The following LRRC74A variants were observed in gnomAD, a reference collection of about 807,000 sequenced individuals.
LRRC74A encodes the protein leucine rich repeat containing 74A.
Under a neutral mutation model 57.9 loss-of-function variants are expected in LRRC74A, and 44 were observed. The ratio of observed to expected loss-of-function variants is 0.76; its 90% CI spans 0.60 to 0.98. The LOEUF (loss-of-function observed/expected upper bound fraction) is 0.98. Among genes scored for constraint, LRRC74A ranks in the 50% least tolerant of loss-of-function variants. The probability of loss-of-function intolerance (pLI) is 0.00; values close to 1 mark genes in which losing one functional copy is unlikely to be tolerated. For missense variants in LRRC74A, 572 were observed against 574.0 expected (o/e 1.00, Z 0.04); for synonymous variants, 211 against 219.4 (o/e 0.96, Z 0.34).
chr14:76,864,280 G>A (rs1311855352), intron 11 of LRRC74A, among the ~76,000 whole-genome samples: 2 of 151,926 alleles, frequency 1.3e-5, no homozygotes, highest in South Asian at 4.2e-4. Flanking sequence ...CTCCAGAAAG[G>A]GAAGTGTGGG....
At chr14:76,826,809 C>G in intron 1 of LRRC74A, 75 bp downstream of exon 1, 1 of 1,000,604 alleles carries the variant, frequency 1.0e-6, no homozygotes, top group South Asian at 1.4e-5. Flanking sequence ...GATCACAGGA[C>G]CCTGAAGCCC....
intron 11 of LRRC74A, among the ~76,000 whole-genome samples, chr14:76,862,258 C>T (rs146232377): frequency 1.2e-4 from 19 of 152,316 alleles, no homozygotes; most frequent in African/African-American, 4.1e-4. Context: ...TGGCCAGGCA[C>T]GGTGGCTATG....
intron 3 of LRRC74A, among the ~76,000 whole-genome samples, chr14:76,832,800 A>G (rs1896062374): frequency 6.8e-6 from 1 of 147,310 alleles, no homozygotes; most frequent in Non-Finnish European, 1.5e-5. Context: ...TGGAAAACTG[A>G]ACATTTCACA....
At chr14:76,835,461 T>G (rs1896258286) in intron 3 of LRRC74A, among the ~76,000 whole-genome samples, 1 of 144,762 alleles carries the variant, frequency 6.9e-6, no homozygotes, top group Admixed American at 7.1e-5. Context: ...CACTCCATCC[T>G]GGGCGACAGA....
chr14:76,828,076 G>A (rs1045711002), intron 1 of LRRC74A, among the ~76,000 whole-genome samples: 3 of 152,252 alleles, frequency 2.0e-5, no homozygotes, highest in African/African-American at 7.2e-5. Context: ...GCAGAAGGGA[G>A]TTGGTTTCAC....
At chr14:76,860,603 TG>T (rs1241513915) in intron 10 of LRRC74A, 89 bp from the exon 11 acceptor site, 1 of 1,286,574 alleles carries the variant, frequency 7.8e-7, no homozygotes, top group Admixed American at 2.7e-5. Context: ...TTCCTGACTT[TG>T]GCTTGGGTGG....
At chr14:76,867,527 T>TGAGGCTTACTTGAGTGTAC (rs1390630331) in intron 13 of LRRC74A, 89 bp downstream of exon 13, 64 of 703,650 alleles carry the variant, frequency 9.1e-5, no homozygotes, top group South Asian at 8.3e-4. Flanking sequence ...TGTCTACACT[T>TGAGGCTTACTTGAGTGTAC]TATTACTTGA....
At chr14:76,846,243 T>C (rs563487143) in intron 7 of LRRC74A, among the ~76,000 whole-genome samples, 20 of 152,228 alleles carry the variant, frequency 1.3e-4, no homozygotes, top group Non-Finnish European at 2.8e-4. Context: ...CCTTGTCATC[T>C]TTAAAGCTGT....
In LRRC74A at chr14:76,870,161, G is replaced by A. The variant is rs754333825; in HGVS notation, c.*12G>A. 2.5e-6 allele frequency: 4 copies of A among 1,610,360 alleles called. No homozygotes were observed. In the Admixed American group the frequency reaches 5.0e-5, roughly 20 times the overall value. On this transcript the variant is annotated 3_prime_UTR_variant, in exon 14 of 14. Coordinates refer to ENST00000689127, the MANE Select transcript of LRRC74A (RefSeq NM_001385106.1). ...CGATGAAGCCATAGCAACAAGTCTGGTCTAGAAAGAAGTCTCGGCGAGAGG... is the reference window on the plus strand; with the variant it reads ...CGATGAAGCCATAGCAACAAGTCTGATCTAGAAAGAAGTCTCGGCGAGAGG...
intron 11 of LRRC74A, among the ~76,000 whole-genome samples, chr14:76,861,841 C>T (rs1446758986): frequency 6.6e-6 from 1 of 152,200 alleles, no homozygotes; most frequent in East Asian, 1.9e-4. Context: ...TGCTGCTCTG[C>T]CAATGCACGT....
At chr14:76,837,304 T>A (rs181199090) in intron 4 of LRRC74A, among the ~76,000 whole-genome samples, 4 of 149,928 alleles carry the variant, frequency 2.7e-5, no homozygotes, top group Non-Finnish European at 4.5e-5. Flanking sequence ...CACTGGACAC[T>A]GAAAAACGGC....
chr14:76,864,066 C>G (rs980767508), intron 11 of LRRC74A, among the ~76,000 whole-genome samples: 1 of 152,320 alleles, frequency 6.6e-6, no homozygotes, highest in Admixed American at 6.5e-5. Flanking sequence ...GGATGAGAAG[C>G]CTGCTGTGAA....
chr14:76,843,975 A>T (rs1896950326), intron 5 of LRRC74A, among the ~76,000 whole-genome samples: 1 of 150,894 alleles, frequency 6.6e-6, no homozygotes, highest in South Asian at 2.1e-4. Flanking sequence ...TTCTGGGATT[A>T]TAGGCATGAG....
intron 7 of LRRC74A, among the ~76,000 whole-genome samples, chr14:76,850,844 C>CAAA (rs36208311): frequency 3.7e-4 from 48 of 130,932 alleles, no homozygotes; most frequent in Admixed American, 1.3e-3. Context: ...AACTCTGTCT[C>CAAA]AAAAAAAAAA....
intron 3 of LRRC74A, among the ~76,000 whole-genome samples, chr14:76,835,792 G>T (rs1012768285): frequency 6.6e-6 from 1 of 152,036 alleles, no homozygotes; most frequent in Non-Finnish European, 1.5e-5. Context: ...TAGAAGAAAG[G>T]CCTCTGAAGA....
chr14:76,848,562 C>A (rs1897251993), intron 7 of LRRC74A, among the ~76,000 whole-genome samples: 1 of 152,146 alleles, frequency 6.6e-6, no homozygotes, highest in Non-Finnish European at 1.5e-5. Flanking sequence ...GAGTGAGACC[C>A]TGTCCTCCAA....
At chr14:76,845,028 A>C (rs1421598662) in intron 7 of LRRC74A, 127 bp downstream of exon 7, 12 of 623,448 alleles carry the variant, frequency 1.9e-5, no homozygotes, top group Non-Finnish European at 3.2e-5. Flanking sequence ...AAACATGCCC[A>C]AAATACATTC....
chr14:76,854,140 G>T (rs1413253523), intron 9 of LRRC74A, among the ~76,000 whole-genome samples: 1 of 152,134 alleles, frequency 6.6e-6, no homozygotes, highest in Non-Finnish European at 1.5e-5. Context: ...TACTACAGAG[G>T]CTTGGCCACT....
chr14:76,864,479 C>T (rs1446799859), intron 11 of LRRC74A, among the ~76,000 whole-genome samples: 1 of 150,120 alleles, frequency 6.7e-6, no homozygotes, highest in Non-Finnish European at 1.5e-5. Flanking sequence ...TTAAAAAGGA[C>T]CCAAAAGAAT....
Sources: allele counts gnomAD v4.1 joint callset (sites outside exome capture counted in the v4.1 genomes callset), GRCh38; gene constraint gnomAD v4.1.1; transcripts MANE v1.5; gene names NCBI Gene and HGNC (gene_info 2026-07-23, HGNC 2026-07-21).